Variants in FBXW10 observed in about 807,000 individuals in gnomAD.
The protein encoded by FBXW10 is F-box and WD repeat domain containing 10.
FBXW10 carries 68 observed loss-of-function variants against 113.1 expected under a neutral mutation model. The observed-to-expected ratio is 0.60, with a 90% CI of 0.49 to 0.74. The LOEUF (loss-of-function observed/expected upper bound fraction) is 0.74. Among genes scored for constraint, FBXW10 ranks in the 30% least tolerant of loss-of-function variants. The probability of loss-of-function intolerance (pLI) is 0.00; values close to 1 mark genes in which losing one functional copy is unlikely to be tolerated. For synonymous variants in FBXW10, 289 were observed against 481.6 expected, an observed-to-expected ratio of 0.60 and a Z score of 5.24; for missense variants, 753 against 1,284.5, an observed-to-expected ratio of 0.59 and a Z score of 6.32.
At position 18,772,647 on chromosome 17, in the gene FBXW10, T is replaced by C; in HGVS notation, c.2242T>C (p.Ser748Pro). ...QELLPGKPPK[S>P]RVLLKPAKFS... ...GCTCCTACCAGGCAAACCTCCCAAG[T>C]CCCGAGTACTCCTGAAGCCGGCCAA... is the stretch of plus-strand genomic sequence containing the variant. The change falls in exon 12 of 14, where the codon TCC (serine) becomes CCC (proline). Residue 748 changes from serine (S) to proline (P), a missense_variant. Physicochemically the swap from Ser to Pro is moderately conservative, Grantham distance 74. Coordinates refer to ENST00000395665, the MANE Select transcript of FBXW10 (RefSeq NM_001267585.2). 6.2e-7 allele frequency: 1 copy of C among 1,613,032 alleles called. No homozygotes were observed. Among genetic ancestry groups the C allele is most frequent in the Non-Finnish European group, 8.5e-7 (1 of 1,179,768 alleles).
At chr17:18,748,762 T>C (rs1306411358) in intron 2 of FBXW10, among the ~76,000 whole-genome samples, 1 of 152,170 alleles carries the variant, frequency 6.6e-6, no homozygotes, top group Admixed American at 6.5e-5. Flanking sequence ...CACAATCCAT[T>C]GTCTAGTCCC....
At chr17:18,777,287 C>T (rs2035720402) in intron 13 of FBXW10, among the ~76,000 whole-genome samples, 1 of 151,938 alleles carries the variant, frequency 6.6e-6, no homozygotes, top group Non-Finnish European at 1.5e-5. Context: ...TGGTCTCGAA[C>T]TCCCGACCTC....
At chr17:18,763,223 C>T (rs1302155174) in intron 7 of FBXW10, among the ~76,000 whole-genome samples, 1 of 151,162 alleles carries the variant, frequency 6.6e-6, no homozygotes, top group African/African-American at 2.4e-5. Flanking sequence ...GTGGCGCCAT[C>T]TCGGCTCACT....
In FBXW10 at chr17:18,776,587, C is replaced by T. The variant is rs113241523; in HGVS notation, c.2335+1395C>T. ...GGTATACCTGAAGGGTAAAGTCCTA[C>T]GAGTGAAATTGCTAAGCCAAAGGAT... On this transcript the variant is annotated intron_variant, in intron 13 of 13. Transcript: ENST00000395665. 2.3e-3 allele frequency among the ~76,000 whole-genome samples: 356 copies of T among 152,256 alleles called. 1 individual carries two copies. The highest frequency in any genetic ancestry group is 6.8e-3 in the Middle Eastern group (2 of 294).
Position 18,751,067 on chromosome 17 carries a change from G to C in FBXW10, c.1122+14G>C, listed in dbSNP as rs767128309. 9 of 1,613,678 alleles carry C rather than the reference G, an allele frequency of 5.6e-6. No individual in the cohort carries two copies. Among genetic ancestry groups the C allele is most frequent in the South Asian group, 3.3e-5 (3 of 91,062 alleles). On this transcript the variant is annotated intron_variant, in intron 5 of 13. Transcript: ENST00000395665. Reference sequence around the variant, plus strand: ...CTGAGAACGAAGGTGGGTTCCAACAGCATCTGGGGCAAGTAGCTGTGAGCG... The same window carrying C: ...CTGAGAACGAAGGTGGGTTCCAACACCATCTGGGGCAAGTAGCTGTGAGCG...
At chr17:18,771,710 C>G (rs2035615928) in intron 11 of FBXW10, among the ~76,000 whole-genome samples, 1 of 152,132 alleles carries the variant, frequency 6.6e-6, no homozygotes, top group Non-Finnish European at 1.5e-5. Flanking sequence ...TTAAAACAAA[C>G]AAAGAAACAA....
intron 10 of FBXW10, 50 bp downstream of exon 10, chr17:18,768,726 C>T (rs891712756): frequency 6.3e-7 from 1 of 1,597,544 alleles, no homozygotes. Flanking sequence ...CTTCCCTTCC[C>T]CGTCATAGCC....
At chr17:18,772,813 T>C (rs1212726373) in intron 12 of FBXW10, 130 bp downstream of exon 12, 5 of 754,874 alleles carry the variant, frequency 6.6e-6, no homozygotes, top group Non-Finnish European at 1.1e-5. Context: ...CCTGAGGATA[T>C]AAATCCTAAC....
At chr17:18,760,721 T>C (rs1475830335) in intron 7 of FBXW10, among the ~76,000 whole-genome samples, 1 of 151,670 alleles carries the variant, frequency 6.6e-6, no homozygotes, top group Non-Finnish European at 1.5e-5. Context: ...GGAGAATCAC[T>C]TGAACCTGGG....
chr17:18,760,473 G>A (rs113598378), intron 7 of FBXW10, among the ~76,000 whole-genome samples: 4 of 137,458 alleles, frequency 2.9e-5, no homozygotes, highest in Admixed American at 2.9e-4. Flanking sequence ...TCTATTAACT[G>A]TGTTCATAGT....
chr17:18,747,078 C>T (rs1368285868), intron 1 of FBXW10, among the ~76,000 whole-genome samples: 2 of 152,046 alleles, frequency 1.3e-5, no homozygotes, highest in African/African-American at 2.4e-5. Context: ...GTGCCCGCCA[C>T]CACGCCCGGC....
In FBXW10 at chr17:18,778,643, G is replaced by T. The variant is rs201057327; in HGVS notation, c.2504G>T (p.Cys835Phe). The T allele has an allele frequency of 1.3e-4, 215 of 1,613,688 alleles. 1 individual carries two copies. Among genetic ancestry groups the T allele is most frequent in the Non-Finnish European group, 1.7e-4 (206 of 1,179,858 alleles). Residue 835 changes from cysteine (C) to phenylalanine (F), a missense_variant, in exon 14 of 14, where the codon TGT becomes TTT. Coordinates refer to ENST00000395665, the MANE Select transcript of FBXW10 (RefSeq NM_001267585.2). ...AATTCCGGGGAATTTGCCTATCCCT[G>T]TAGGCCCCAAACAGAAATTACTGAT... ...AHNSGEFAYP[C>F]RPQTEITDVW...
chr17:18,756,650 C>T (rs960608), intron 6 of FBXW10, among the ~76,000 whole-genome samples: 49,219 of 149,108 alleles, frequency 0.33, 6,759 homozygotes, highest in East Asian at 0.53. Context: ...ATTTCTGTAA[C>T]CCAGCCCAGC....
In FBXW10 at chr17:18,775,124, A is replaced by G. The variant is rs750999763; in HGVS notation, c.2279-12A>G. 1.3e-6 allele frequency: 2 copies of G among 1,593,352 alleles called. No homozygotes were observed. The highest frequency in any genetic ancestry group is 1.1e-5 in the South Asian group (1 of 90,412). On this transcript the variant is annotated splice_polypyrimidine_tract_variant and intron_variant, in intron 12 of 13. Transcript: ENST00000395665. ...TATAATGACTACAGCTTCTTCCTCA[A>G]TCTCAATTTAGCAGTGTTAATAGAG...
chr17:18,770,436 G>A (rs1470825395), intron 11 of FBXW10, among the ~76,000 whole-genome samples: 4 of 151,794 alleles, frequency 2.6e-5, no homozygotes, highest in African/African-American at 9.7e-5. Flanking sequence ...CCGAGTAGCT[G>A]GGATTACAGG....
intron 4 of FBXW10, among the ~76,000 whole-genome samples, chr17:18,750,347 A>G (rs574453122): frequency 9.8e-5 from 15 of 152,306 alleles, no homozygotes; most frequent in African/African-American, 3.4e-4. Context: ...CACAAGGACA[A>G]TAGGGATAGA....
intron 8 of FBXW10, among the ~76,000 whole-genome samples, chr17:18,766,472 G>C (rs1441619629): frequency 6.6e-6 from 1 of 152,200 alleles, no homozygotes; most frequent in East Asian, 1.9e-4. Flanking sequence ...CCATAGCCAA[G>C]GTCTTCTGGA....
intron 7 of FBXW10, among the ~76,000 whole-genome samples, chr17:18,761,447 A>G (rs1376046273): frequency 5.9e-5 from 9 of 151,876 alleles, no homozygotes; most frequent in Non-Finnish European, 2.9e-5. Flanking sequence ...TTGTATTTTT[A>G]GTAGAGACAA....
chr17:18,745,027 A>G, intron 1 of FBXW10: 2 of 1,333,422 alleles, frequency 1.5e-6, no homozygotes, highest in Non-Finnish European at 1.9e-6. Context: ...TGCATCTCAT[A>G]GGCCCAGAAA....
Sources: allele counts gnomAD v4.1 joint callset (sites outside exome capture counted in the v4.1 genomes callset), GRCh38; gene constraint gnomAD v4.1.1; transcripts MANE v1.5; gene names NCBI Gene and HGNC (gene_info 2026-07-23, HGNC 2026-07-21).